The following RALGAPA1 variants were observed in gnomAD, a reference collection of about 807,000 sequenced individuals.
RALGAPA1 encodes the protein ral GTPase-activating protein subunit alpha-1.
A neutral mutation model predicts 269.6 loss-of-function variants in RALGAPA1; 52 were observed. The ratio of observed to expected loss-of-function variants is 0.19; its 90% CI spans 0.15 to 0.24. The LOEUF (loss-of-function observed/expected upper bound fraction) is 0.24, where lower values mean the gene tolerates loss of function less well. Ranked by LOEUF, RALGAPA1 falls within the 10% of genes least tolerant of loss-of-function variation. The pLI, the probability that RALGAPA1 is intolerant of heterozygous loss-of-function variation, is 1.00. For synonymous variants in RALGAPA1, 817 were observed against 1,008.3 expected (o/e 0.81, Z 3.60); for missense variants, 1,917 against 3,013.9 (o/e 0.64, Z 8.52).
chr14:35,600,239 T>C (rs1415303881), intron 36 of RALGAPA1, among the ~76,000 whole-genome samples: 2 of 143,928 alleles, frequency 1.4e-5, no homozygotes, highest in African/African-American at 5.2e-5. Flanking sequence ...TTTCTTTTTT[T>C]TTTTTTTTTT....
intron 41 of RALGAPA1, among the ~76,000 whole-genome samples, chr14:35,547,971 A>C (rs1296204200): frequency 6.7e-6 from 1 of 149,566 alleles, no homozygotes; most frequent in Non-Finnish European, 1.5e-5. Context: ...GAATTTATTT[A>C]ATATAAAGAA....
chr14:35,602,579 C>A (rs2059357638), intron 36 of RALGAPA1, among the ~76,000 whole-genome samples: 1 of 152,084 alleles, frequency 6.6e-6, no homozygotes, highest in South Asian at 2.1e-4. Context: ...TGTTGAGCAC[C>A]TTTTCATGTG....
At chr14:35,624,794 G>C (rs1339421095) in intron 35 of RALGAPA1, among the ~76,000 whole-genome samples, 1 of 152,094 alleles carries the variant, frequency 6.6e-6, no homozygotes, top group African/African-American at 2.4e-5. Context: ...TAATTAATGA[G>C]AGATGTGACT....
At chr14:35,778,657 G>C (rs890678457) in intron 1 of RALGAPA1, among the ~76,000 whole-genome samples, 1 of 152,044 alleles carries the variant, frequency 6.6e-6, no homozygotes, top group Middle Eastern at 3.2e-3. Flanking sequence ...ATTATATTCA[G>C]TTCATACAAT....
At chr14:35,613,774 C>T (rs1278207195) in intron 35 of RALGAPA1, among the ~76,000 whole-genome samples, 1 of 152,196 alleles carries the variant, frequency 6.6e-6, no homozygotes, top group African/African-American at 2.4e-5. Flanking sequence ...CTCATCATAA[C>T]TCTGAAAACT....
chr14:35,751,465 C>T (rs1308892492), intron 8 of RALGAPA1, among the ~76,000 whole-genome samples: 1 of 152,022 alleles, frequency 6.6e-6, no homozygotes, highest in Non-Finnish European at 1.5e-5. Context: ...TTGATAAGAT[C>T]CAGAGAACAA....
At chr14:35,705,343 C>T in intron 16 of RALGAPA1, among the ~76,000 whole-genome samples, 1 of 152,082 alleles carries the variant, frequency 6.6e-6, no homozygotes, top group Non-Finnish European at 1.5e-5. Context: ...GCCCCACCCC[C>T]CTATTCCTAG....
intron 37 of RALGAPA1, among the ~76,000 whole-genome samples, chr14:35,594,679 C>G (rs1383825578): frequency 6.7e-6 from 1 of 149,382 alleles, no homozygotes. Flanking sequence ...AAGGGGAACA[C>G]TAGTACACTG....
At chr14:35,793,221 A>G (rs1338656210) in intron 1 of RALGAPA1, among the ~76,000 whole-genome samples, 1 of 150,664 alleles carries the variant, frequency 6.6e-6, no homozygotes, top group Non-Finnish European at 1.5e-5. Context: ...CTATTCTGCT[A>G]TTCTCTCCAA....
chr14:35,647,244 G>C (rs1326826271), intron 31 of RALGAPA1, among the ~76,000 whole-genome samples: 2 of 152,060 alleles, frequency 1.3e-5, no homozygotes, highest in Non-Finnish European at 2.9e-5. Context: ...CTATATAAAT[G>C]TTCTTTTTGC....
chr14:35,627,416 C>A lies in RALGAPA1; in HGVS notation c.6531G>T (p.Trp2177Cys). Residue 2177 changes from tryptophan (W) to cysteine (C), a missense_variant, in exon 34 of 42, where the codon TGG (tryptophan) becomes TGT (cysteine). Coordinates refer to ENST00000680220, the MANE Select transcript of RALGAPA1 (RefSeq NM_001346249.2). The part of the protein sequence containing the change: ...FKRFRETVPT[W>C]DTIRDEEDVL... ...CATCTTCTTCATCTCTTATTGTATC[C>A]CAAGTTGGTACAGTTTCTCTAAATC... 1 of 1,614,002 alleles carries A rather than the reference C, an allele frequency of 6.2e-7. No homozygotes were observed. Among genetic ancestry groups the A allele is most frequent in the Non-Finnish European group, 8.5e-7 (1 of 1,179,998 alleles).
chr14:35,693,576 T>C (rs1331698880), intron 17 of RALGAPA1, among the ~76,000 whole-genome samples: 1 of 152,008 alleles, frequency 6.6e-6, no homozygotes, highest in Non-Finnish European at 1.5e-5. Context: ...GAAACTCCTC[T>C]ACTAACATAC....
At chr14:35,634,512 C>T in intron 33 of RALGAPA1, 62 bp downstream of exon 33, 1 of 1,328,592 alleles carries the variant, frequency 7.5e-7, no homozygotes, top group Non-Finnish European at 1.0e-6. Context: ...CCACCCATGG[C>T]CTCAAGTTAT....
intron 4 of RALGAPA1, among the ~76,000 whole-genome samples, chr14:35,767,810 T>C (rs1471549460): frequency 6.6e-6 from 1 of 152,158 alleles, no homozygotes; most frequent in Non-Finnish European, 1.5e-5. Context: ...TATCATTTTT[T>C]TACTCAGGCT....
At chr14:35,756,507 C>T in intron 7 of RALGAPA1, 1 of 176,456 alleles carries the variant, frequency 5.7e-6, no homozygotes, top group Non-Finnish European at 1.2e-5. Context: ...GGATACCCTT[C>T]TAAAGAGTGA....
chr14:35,652,541 A>T (rs2062903092), intron 30 of RALGAPA1, among the ~76,000 whole-genome samples: 1 of 152,096 alleles, frequency 6.6e-6, no homozygotes, highest in South Asian at 2.1e-4. Flanking sequence ...AGTAGCTGGG[A>T]TTACAGGTGT....
chr14:35,783,770 T>C (rs888929245), intron 1 of RALGAPA1, among the ~76,000 whole-genome samples: 2 of 152,168 alleles, frequency 1.3e-5, no homozygotes, highest in African/African-American at 4.8e-5. Flanking sequence ...TATATATTTC[T>C]CCTAAGAAGA....
chr14:35,647,210 G>A (rs746382763), intron 31 of RALGAPA1, among the ~76,000 whole-genome samples: 4 of 152,032 alleles, frequency 2.6e-5, no homozygotes, highest in Non-Finnish European at 5.9e-5. Flanking sequence ...CACACTGCTG[G>A]CACGTGATTT....
intron 1 of RALGAPA1, among the ~76,000 whole-genome samples, chr14:35,784,062 T>C (rs748624156): frequency 1.5e-4 from 23 of 151,754 alleles, no homozygotes; most frequent in Non-Finnish European, 4.4e-5. Flanking sequence ...TCCTAGAACA[T>C]TACATACCCA....
Sources: allele counts gnomAD v4.1 joint callset (sites outside exome capture counted in the v4.1 genomes callset), GRCh38; gene constraint gnomAD v4.1.1; transcripts MANE v1.5; gene names NCBI Gene and HGNC (gene_info 2026-07-23, HGNC 2026-07-21).